STK32B: variants seen among roughly 807,000 people sequenced by gnomAD.
STK32B encodes the protein serine/threonine kinase 32B.
In STK32B, 43 loss-of-function variants were observed where a neutral mutation model predicts 52.6. The observed-to-expected ratio is 0.82, with a 90% confidence interval of 0.64 to 1.05. The LOEUF is 1.05. STK32B is among the 50% of genes least tolerant of loss of function. The pLI is 0.00. For synonymous variants in STK32B, 238 were observed against 204.3 expected (o/e 1.17, Z -1.41); for missense variants, 621 against 534.6 (o/e 1.16, Z -1.59).
At chr4:5,192,978 C>T (rs1285180689) in intron 3 of STK32B, among the ~76,000 whole-genome samples, 1 of 152,216 alleles carries the variant, frequency 6.6e-6, no homozygotes, top group Non-Finnish European at 1.5e-5. Context: ...CTTCGGATCG[C>T]CTCTTCTTCC....
chr4:5,185,232 C>G (rs1029875084), intron 3 of STK32B, among the ~76,000 whole-genome samples: 1 of 152,044 alleles, frequency 6.6e-6, no homozygotes, highest in Non-Finnish European at 1.5e-5. Context: ...TGTTTAAAAC[C>G]GGAGGAGGGA....
At chr4:5,181,031 G>A (rs1720312420) in intron 3 of STK32B, among the ~76,000 whole-genome samples, 1 of 152,100 alleles carries the variant, frequency 6.6e-6, no homozygotes. Context: ...CTGGTGGGAT[G>A]GGTGTGGGAG....
chr4:5,115,968 T>C (rs1349069682), intron 1 of STK32B, among the ~76,000 whole-genome samples: 3 of 152,184 alleles, frequency 2.0e-5, no homozygotes, highest in African/African-American at 7.2e-5. Context: ...TTTGTAAGAA[T>C]GTAAATCTTC....
chr4:5,149,627 C>T (rs1486166828), intron 2 of STK32B, among the ~76,000 whole-genome samples: 1 of 151,804 alleles, frequency 6.6e-6, no homozygotes, highest in Non-Finnish European at 1.5e-5. Context: ...GCCCATCTAC[C>T]ACCCTATCTG....
intron 9 of STK32B, among the ~76,000 whole-genome samples, chr4:5,462,616 C>T (rs1717123206): frequency 6.6e-6 from 1 of 152,150 alleles, no homozygotes; most frequent in Admixed American, 6.5e-5. Context: ...GAGCTGGACC[C>T]CTGGGAAGAA....
intron 3 of STK32B, among the ~76,000 whole-genome samples, chr4:5,274,858 G>A (rs190823590): frequency 1.3e-3 from 191 of 152,298 alleles, no homozygotes; most frequent in Non-Finnish European, 1.9e-3. Flanking sequence ...TCCAGATCCA[G>A]CAGGGTGTCC....
At chr4:5,158,464 G>A (rs1328636418) in intron 2 of STK32B, among the ~76,000 whole-genome samples, 1 of 152,226 alleles carries the variant, frequency 6.6e-6, no homozygotes, top group African/African-American at 2.4e-5. Context: ...CCACCCCGAA[G>A]GCAAATTCTC....
At chr4:5,375,503 C>T (rs1735529229) in intron 4 of STK32B, among the ~76,000 whole-genome samples, 1 of 152,152 alleles carries the variant, frequency 6.6e-6, no homozygotes, top group African/African-American at 2.4e-5. Context: ...CCAAACATTT[C>T]TATGAATTTT....
At chr4:5,199,715 T>C (rs894273857) in intron 3 of STK32B, among the ~76,000 whole-genome samples, 4 of 152,192 alleles carry the variant, frequency 2.6e-5, no homozygotes, top group African/African-American at 9.7e-5. Context: ...TTCTTATAAT[T>C]GTCCAGGTCT....
intron 1 of STK32B, among the ~76,000 whole-genome samples, chr4:5,071,817 A>G (rs1400105648): frequency 2.0e-5 from 3 of 152,228 alleles, no homozygotes; most frequent in African/African-American, 4.8e-5. Context: ...AACTGTGGCT[A>G]TAAATCTTTC....
chr4:5,496,173 C>T (rs1006398018), intron 11 of STK32B, among the ~76,000 whole-genome samples: 1 of 152,200 alleles, frequency 6.6e-6, no homozygotes, highest in Non-Finnish European at 1.5e-5. Context: ...TGTGCCCTGC[C>T]CCCAGAGGTG....
intron 4 of STK32B, among the ~76,000 whole-genome samples, chr4:5,366,526 G>C (rs1330770101): frequency 6.6e-6 from 1 of 152,186 alleles, no homozygotes; most frequent in African/African-American, 2.4e-5. Flanking sequence ...GAAGATTCTG[G>C]ATGCTTTGGA....
At chr4:5,261,123 G>A (rs1726683587) in intron 3 of STK32B, among the ~76,000 whole-genome samples, 1 of 152,118 alleles carries the variant, frequency 6.6e-6, no homozygotes, top group African/African-American at 2.4e-5. Context: ...CAGCTGGGGG[G>A]CGAGCCTGCA....
chr4:5,052,050 AGT>A lies in STK32B; in HGVS notation c.52+141_52+142del. On this transcript the variant is annotated intron_variant, in intron 1 of 11. Transcript: ENST00000282908. Reference sequence around the variant, plus strand: ...CATGGCCACTTCGCCCAGCGAATGCAGTGTGTGCCCGACCCGTGCCAGGCGCG... The same window carrying A: ...CATGGCCACTTCGCCCAGCGAATGCAGTGTGCCCGACCCGTGCCAGGCGCG... 3 of 1,349,982 alleles carry A rather than the reference AGT, an allele frequency of 2.2e-6. No homozygotes were observed. In the Admixed American group the frequency reaches 6.4e-5, roughly 29 times the overall value. The allele number at this position is 1,349,982 out of a possible 1,614,324, so 83.6% of individuals were successfully genotyped here. A position where few individuals can be genotyped will look rare whatever the true frequency, so the allele number is the denominator to read the frequency against.
chr4:5,199,905 A>G (rs931186316), intron 3 of STK32B, among the ~76,000 whole-genome samples: 2 of 152,154 alleles, frequency 1.3e-5, no homozygotes, highest in Non-Finnish European at 2.9e-5. Context: ...GGGAACTAGA[A>G]TGCTTCATAC....
chr4:5,073,341 T>A (rs10213393), intron 1 of STK32B, among the ~76,000 whole-genome samples: 122,896 of 151,904 alleles, frequency 0.81, 49,913 homozygotes, highest in East Asian at 0.98. Context: ...TACATCTTTA[T>A]TTTATCACAG....
At chr4:5,233,190 G>A (rs576896254) in intron 3 of STK32B, among the ~76,000 whole-genome samples, 6 of 152,174 alleles carry the variant, frequency 3.9e-5, no homozygotes, top group Non-Finnish European at 8.8e-5. Flanking sequence ...AATGGGGAAT[G>A]GACAGGTTTA....
chr4:5,379,961 T>A (rs12641778), intron 4 of STK32B, among the ~76,000 whole-genome samples: 37,185 of 152,012 alleles, frequency 0.24, 5,305 homozygotes, highest in African/African-American at 0.41. Context: ...TGGGAACAGT[T>A]CAGAGCAGCT....
Position 5,140,492 on chromosome 4 carries a change from T to A in STK32B, c.108+532T>A, listed in dbSNP as rs183995185. On this transcript the variant is annotated intron_variant, in intron 2 of 11. Transcript: ENST00000282908. Reference sequence around the variant, plus strand: ...GAGTACCTATTGAATGCCAGAGATATTCTGTTATGTTTTTTTCACATCTAT... The same window carrying A: ...GAGTACCTATTGAATGCCAGAGATAATCTGTTATGTTTTTTTCACATCTAT... Among the ~76,000 whole-genome samples the A allele has an allele frequency of 5.9e-5, 9 of 152,316 alleles. No individual in the cohort carries two copies. The East Asian group carries it at 1.7e-3, about 29-fold the overall frequency.
Sources: gnomAD v4.1 joint callset for allele counts (sites outside exome capture counted in the v4.1 genomes callset) on GRCh38, gnomAD v4.1.1 for gene constraint, MANE v1.5 for transcripts, NCBI Gene and HGNC (gene_info 2026-07-23, HGNC 2026-07-21) for gene names.